Variants in EYS observed in about 807,000 individuals in gnomAD.
EYS encodes protein eyes shut homolog.
A neutral mutation model predicts 282.1 loss-of-function variants in EYS; 250 were observed. The observed-to-expected ratio is 0.89, with a 90% confidence interval of 0.80 to 0.98. The LOEUF (loss-of-function observed/expected upper bound fraction) is 0.98. EYS is among the 50% of genes least tolerant of loss of function. EYS has a pLI of 0.00. For synonymous variants in EYS, 1,355 were observed against 1,282.9 expected (o/e 1.06, Z -1.20); for missense variants, 4,016 against 3,709.0 (o/e 1.08, Z -2.15).
chr6:64,576,872 A>T (rs1765898061), intron 26 of EYS, among the ~76,000 whole-genome samples: 1 of 152,148 alleles, frequency 6.6e-6, no homozygotes, highest in Admixed American at 6.6e-5. Flanking sequence ...TTAAAGTCTC[A>T]ACTTCCAATA....
At chr6:64,446,150 C>T (rs1775109769) in intron 26 of EYS, among the ~76,000 whole-genome samples, 1 of 152,162 alleles carries the variant, frequency 6.6e-6, no homozygotes, top group Non-Finnish European at 1.5e-5. Context: ...TAAAAATTTA[C>T]TTGAAACATG....
chr6:65,415,759 A>G (rs377297150), intron 5 of EYS, among the ~76,000 whole-genome samples: 3 of 152,212 alleles, frequency 2.0e-5, no homozygotes, highest in South Asian at 4.1e-4. Flanking sequence ...AAGTCTAATG[A>G]AAGGGGTGGA....
intron 41 of EYS, among the ~76,000 whole-genome samples, chr6:63,750,236 G>C (rs1769309924): frequency 1.3e-5 from 2 of 152,110 alleles, no homozygotes; most frequent in African/African-American, 4.8e-5. Context: ...TTGTTAAGCA[G>C]CTCATATATC....
chr6:63,813,708 C>T (rs1771105729), intron 36 of EYS, among the ~76,000 whole-genome samples: 1 of 152,108 alleles, frequency 6.6e-6, no homozygotes, highest in South Asian at 2.1e-4. Context: ...TGTATAACCT[C>T]AGCAGAGTGG....
chr6:64,090,759 TC>T lies in EYS; in HGVS notation c.6425-8758del, dbSNP rs140524991. Among the ~76,000 whole-genome samples, 1,025 of 152,266 alleles carry T rather than the reference TC, an allele frequency of 6.7e-3. 11 individuals carry two copies. Among genetic ancestry groups the T allele is most frequent in the African/African-American group, 0.023 (947 of 41,550 alleles). ...TAGTCATCCAAACTTCTTCCTTTGT[TC>T]CTCTTCCCATCCTTCCACTCACCAC... On this transcript the variant is annotated intron_variant, in intron 31 of 42. Transcript: ENST00000503581.
At chr6:65,356,289 T>C (rs1764486085) in intron 8 of EYS, among the ~76,000 whole-genome samples, 1 of 152,074 alleles carries the variant, frequency 6.6e-6, no homozygotes, top group African/African-American at 2.4e-5. Flanking sequence ...TTTTTGTTCT[T>C]GTTTGTTTGT....
chr6:64,495,837 T>C (rs1448239169), intron 26 of EYS, among the ~76,000 whole-genome samples: 1 of 148,584 alleles, frequency 6.7e-6, no homozygotes, highest in Non-Finnish European at 1.5e-5. Flanking sequence ...ATGAACTTAA[T>C]TAAATTTCCA....
At chr6:65,295,364 T>C (rs1768632284) in intron 12 of EYS, among the ~76,000 whole-genome samples, 1 of 152,006 alleles carries the variant, frequency 6.6e-6, no homozygotes, top group South Asian at 2.1e-4. Flanking sequence ...TTGTTCTCTA[T>C]GACTGTACAG....
chr6:65,370,340 T>C (rs1488207269), intron 8 of EYS, among the ~76,000 whole-genome samples: 1 of 150,126 alleles, frequency 6.7e-6, no homozygotes. Context: ...ACTGCAGTCT[T>C]AATTCCTGGG....
At chr6:64,797,788 C>A (rs1774404226) in intron 22 of EYS, among the ~76,000 whole-genome samples, 1 of 151,904 alleles carries the variant, frequency 6.6e-6, no homozygotes, top group African/African-American at 2.4e-5. Context: ...GCTTGAATCT[C>A]CTAATCCTCC....
chr6:65,505,319 A>G (rs557966435), intron 2 of EYS, among the ~76,000 whole-genome samples: 1 of 151,966 alleles, frequency 6.6e-6, no homozygotes, highest in South Asian at 2.1e-4. Flanking sequence ...TAGCCTGACT[A>G]GAGTCTTTAC....
At chr6:63,756,020 A>G (rs1484187034) in intron 41 of EYS, among the ~76,000 whole-genome samples, 20 of 152,172 alleles carry the variant, frequency 1.3e-4, no homozygotes, top group Non-Finnish European at 2.4e-4. Flanking sequence ...CAGCTTAAGG[A>G]GATTTTGGGC....
At chr6:65,472,522 T>G (rs974545382) in intron 5 of EYS, among the ~76,000 whole-genome samples, 1 of 152,082 alleles carries the variant, frequency 6.6e-6, no homozygotes, top group African/African-American at 2.4e-5. Flanking sequence ...TGCCTTGAAT[T>G]TCCTGAACAA....
At chr6:65,554,776 G>A (rs1768734452) in intron 2 of EYS, among the ~76,000 whole-genome samples, 1 of 152,106 alleles carries the variant, frequency 6.6e-6, no homozygotes, top group African/African-American at 2.4e-5. Context: ...ATGGCACAAA[G>A]GCTAATTACA....
chr6:65,139,521 C>A (rs1449980263), intron 12 of EYS, among the ~76,000 whole-genome samples: 1 of 152,006 alleles, frequency 6.6e-6, no homozygotes, highest in Non-Finnish European at 1.5e-5. Flanking sequence ...AATCTGTATA[C>A]CAAACCTCCA....
In EYS at chr6:64,639,273, AC is replaced by A. The variant is rs1390508578; in HGVS notation, c.3444-13029del. Among the ~76,000 whole-genome samples the A allele has an allele frequency of 2.2e-5, 2 of 90,818 alleles. 1 individual carries two copies. The highest frequency in any genetic ancestry group is 2.4e-4 in the Admixed American group (2 of 8,458). The allele number at this position is 90,818 out of a possible 152,430, so 59.6% of individuals were successfully genotyped here. ...TTTAAGAGACCTGTCTCCAGTCACA[AC>A]CTTAAAGCAGGTCTTGGAAAATTAC... On this transcript the variant is annotated intron_variant, in intron 22 of 42. Transcript: ENST00000503581.
rs997430529 is a variant in EYS, at chr6:65,258,521, T to C, written c.2023+37342A>G. Among the ~76,000 whole-genome samples, 8 of 152,158 alleles carry C rather than the reference T, an allele frequency of 5.3e-5. No homozygotes were observed. The South Asian group carries it at 1.7e-3, about 32-fold the overall frequency. ...AACTGTTTCCCTTTAAAAGTTGATG[T>C]AGTATATGTCACAAGCTGTGGGGAA... On this transcript the variant is annotated intron_variant, in intron 12 of 42. Coordinates refer to ENST00000503581, the MANE Select transcript of EYS (RefSeq NM_001142800.2).
At chr6:64,350,309 T>C (rs541773365) in intron 29 of EYS, among the ~76,000 whole-genome samples, 9 of 148,048 alleles carry the variant, frequency 6.1e-5, no homozygotes, top group African/African-American at 2.2e-4. Flanking sequence ...TTAAGAATGA[T>C]AGTAACTATG....
chr6:65,235,408 G>T lies in EYS; in HGVS notation c.2023+60455C>A, dbSNP rs1326090735. 3.1e-5 allele frequency among the ~76,000 whole-genome samples: 4 copies of T among 128,484 alleles called. No individual in the cohort carries two copies. In the East Asian group the frequency reaches 6.0e-4, roughly 19 times the overall value. 84.3% of individuals were successfully genotyped at this position (128,484 alleles called of 152,430 possible). A position where few individuals can be genotyped will look rare whatever the true frequency, so the allele number is the denominator to read the frequency against. On this transcript the variant is annotated intron_variant, in intron 12 of 42. Coordinates refer to ENST00000503581, the MANE Select transcript of EYS (RefSeq NM_001142800.2). Reference sequence around the variant, plus strand: ...TGCAATGAAAATATGTGGATAAACTGCATAAGACACAATAAGGAAAAAAGC... The same window carrying T: ...TGCAATGAAAATATGTGGATAAACTTCATAAGACACAATAAGGAAAAAAGC...
Sources: gnomAD v4.1 joint callset for allele counts (sites outside exome capture counted in the v4.1 genomes callset) on GRCh38, gnomAD v4.1.1 for gene constraint, MANE v1.5 for transcripts, NCBI Gene and HGNC (gene_info 2026-07-23, HGNC 2026-07-21) for gene names.